The following EPB41L4A variants were observed in gnomAD, a reference collection of about 807,000 sequenced individuals.
EPB41L4A encodes band 4.1-like protein 4A.
EPB41L4A carries 100 observed loss-of-function variants against 108.6 expected under a neutral mutation model. The ratio of observed to expected loss-of-function variants is 0.92; its 90% confidence interval spans 0.78 to 1.09. The LOEUF is 1.09. Ranked by LOEUF, EPB41L4A falls within the 50% of genes least tolerant of loss-of-function variation. The pLI is 0.00. For missense variants in EPB41L4A, 1,030 were observed against 842.7 expected (o/e 1.22, Z -2.75); for synonymous variants, 319 against 289.0 (o/e 1.10, Z -1.05).
At chr5:112,233,127 A>C (rs1220234382) in intron 12 of EPB41L4A, among the ~76,000 whole-genome samples, 2 of 152,244 alleles carry the variant, frequency 1.3e-5, no homozygotes, top group African/African-American at 2.4e-5. Flanking sequence ...CAGCAAGAAA[A>C]AGGAATGTGC....
In EPB41L4A at chr5:112,184,040, C is replaced by G. The variant is rs1761297659; in HGVS notation, c.1598G>C (p.Arg533Thr). ...KEKNQADPNN[R>T]RSRHRSRSRS... ...CGAACGAGATCTGTGTCTGGATCGC[C>G]TGTTGTTGGGGTCGGCTTGGTTTTT... Residue 533 changes from arginine (R) to threonine (T), a missense_variant, in exon 18 of 23, where the codon AGG becomes ACG. By Grantham distance (71) the Arg-to-Thr change is moderately conservative. Transcript: ENST00000261486. 6.2e-7 allele frequency: 1 copy of G among 1,613,878 alleles called. No homozygotes were observed. Among genetic ancestry groups the G allele is most frequent in the African/African-American group, 1.3e-5 (1 of 74,898 alleles).
intron 1 of EPB41L4A, among the ~76,000 whole-genome samples, chr5:112,396,971 G>C (rs1387596843): frequency 2.0e-5 from 3 of 152,108 alleles, no homozygotes; most frequent in Non-Finnish European, 4.4e-5. Flanking sequence ...AGGTACATGT[G>C]CATGTTTGAT....
intron 9 of EPB41L4A, among the ~76,000 whole-genome samples, chr5:112,256,069 C>T (rs528725591): frequency 6.6e-6 from 1 of 152,300 alleles, no homozygotes; most frequent in African/African-American, 2.4e-5. Context: ...TTTGTTGTCA[C>T]CCTGATCCAC....
chr5:112,405,234 G>A (rs1762011747), intron 1 of EPB41L4A, among the ~76,000 whole-genome samples: 1 of 152,098 alleles, frequency 6.6e-6, no homozygotes, highest in South Asian at 2.1e-4. Context: ...ACATGGTGAG[G>A]GCCTATGGTT....
chr5:112,351,893 G>T (rs139827799), intron 1 of EPB41L4A, among the ~76,000 whole-genome samples: 19 of 152,158 alleles, frequency 1.2e-4, no homozygotes, highest in African/African-American at 4.6e-4. Flanking sequence ...TGAAAGAAAA[G>T]AACCATAAGA....
chr5:112,370,696 C>T (rs1759438068), intron 1 of EPB41L4A, among the ~76,000 whole-genome samples: 1 of 152,216 alleles, frequency 6.6e-6, no homozygotes. Flanking sequence ...GGGCAGATCA[C>T]CTGAGGTCAG....
At chr5:112,231,913 G>A (rs1444092335) in intron 12 of EPB41L4A, among the ~76,000 whole-genome samples, 1 of 149,656 alleles carries the variant, frequency 6.7e-6, no homozygotes, top group Non-Finnish European at 1.5e-5. Context: ...TCTGAGACCA[G>A]CCTAAACACA....
At chr5:112,153,899 A>T (rs1272842086) in intron 12 of EPB41L4A, among the ~76,000 whole-genome samples, 2 of 151,826 alleles carry the variant, frequency 1.3e-5, no homozygotes, top group African/African-American at 4.8e-5. Context: ...ACAAAAATAT[A>T]ACTTACATTC....
intron 2 of EPB41L4A, among the ~76,000 whole-genome samples, chr5:112,302,898 G>C (rs1754458256): frequency 6.6e-6 from 1 of 152,154 alleles, no homozygotes; most frequent in Non-Finnish European, 1.5e-5. Context: ...CTCTTGAAAA[G>C]CCACCTGCCA....
At chr5:112,259,762 C>T in intron 8 of EPB41L4A, 129 bp downstream of exon 8, 2 of 686,308 alleles carry the variant, frequency 2.9e-6, no homozygotes, top group South Asian at 3.6e-5. Flanking sequence ...AACTCACACC[C>T]AATTTCACTC....
intron 1 of EPB41L4A, among the ~76,000 whole-genome samples, chr5:112,394,512 A>G (rs1444203082): frequency 6.6e-6 from 1 of 152,222 alleles, no homozygotes; most frequent in Non-Finnish European, 1.5e-5. Context: ...AGAATAAAAT[A>G]CCTAGGAATC....
chr5:112,418,795 C>A, intron 1 of EPB41L4A, 146 bp downstream of exon 1: 1 of 587,692 alleles, frequency 1.7e-6, no homozygotes, highest in East Asian at 3.0e-5. Context: ...CACCCTCTCC[C>A]TGCGCGCAGG....
intron 3 of EPB41L4A, among the ~76,000 whole-genome samples, chr5:112,279,634 A>G (rs1283320624): frequency 6.6e-6 from 1 of 152,162 alleles, no homozygotes; most frequent in Non-Finnish European, 1.5e-5. Flanking sequence ...TTTTTTTAAA[A>G]AGAGTATTTT....
chr5:112,168,655 C>T, intron 22 of EPB41L4A, 84 bp downstream of exon 22: 1 of 1,018,510 alleles, frequency 9.8e-7, no homozygotes, highest in South Asian at 1.4e-5. Flanking sequence ...TGCCCTACCT[C>T]CCTAAAGGAA....
chr5:112,331,606 G>A (rs1036272511), intron 1 of EPB41L4A, among the ~76,000 whole-genome samples: 6 of 152,186 alleles, frequency 3.9e-5, no homozygotes, highest in African/African-American at 1.4e-4. Flanking sequence ...ACCTGGTGAA[G>A]GCTGCCCAAG....
At chr5:112,278,254 A>ATTT (rs199773939) in intron 3 of EPB41L4A, among the ~76,000 whole-genome samples, 57,784 of 147,242 alleles carry the variant, frequency 0.39, 13,074 homozygotes, top group South Asian at 0.6. Flanking sequence ...CTATACATCA[A>ATTT]TTTTTTTTTT....
chr5:112,407,604 C>A (rs1478837324), intron 1 of EPB41L4A, among the ~76,000 whole-genome samples: 1 of 152,170 alleles, frequency 6.6e-6, no homozygotes, highest in Non-Finnish European at 1.5e-5. Flanking sequence ...CTTCACCTGT[C>A]AAACCTACCA....
At chr5:112,373,417 C>T (rs979897992) in intron 1 of EPB41L4A, among the ~76,000 whole-genome samples, 1 of 152,194 alleles carries the variant, frequency 6.6e-6, no homozygotes, top group Admixed American at 6.5e-5. Context: ...TTCCTCTCTC[C>T]CTATAGCCCA....
chr5:112,204,369 G>T lies in EPB41L4A; in HGVS notation c.1376+6C>A. 1.9e-6 allele frequency: 3 copies of T among 1,593,064 alleles called. No individual in the cohort carries two copies. Among genetic ancestry groups the T allele is most frequent in the Non-Finnish European group, 1.7e-6 (2 of 1,161,180 alleles). On this transcript the variant is annotated splice_donor_region_variant and intron_variant, in intron 15 of 22. Transcript: ENST00000261486. The stretch of plus-strand genomic sequence containing the variant: ...GCTGCTAACAGAGAGATTGTGTTCC[G>T]CTTACCTCCTCCTCACAGGCTGTAC...
Sources: allele counts gnomAD v4.1 joint callset (sites outside exome capture counted in the v4.1 genomes callset), GRCh38; gene constraint gnomAD v4.1.1; transcripts MANE v1.5; gene names NCBI Gene and HGNC (gene_info 2026-07-23, HGNC 2026-07-21).